Variants in ANKRD30B observed in about 807,000 individuals in gnomAD.
ANKRD30B encodes the protein ankyrin repeat domain 30B.
In ANKRD30B, 144 loss-of-function variants were observed where a neutral mutation model predicts 202.2. That is an observed-to-expected ratio of 0.71 (90% CI 0.62 to 0.82). The LOEUF is 0.82. ANKRD30B is among the 40% of genes least tolerant of loss of function. ANKRD30B has a pLI of 0.00. For missense variants in ANKRD30B, 1,487 were observed against 1,669.1 expected (o/e 0.89, Z 1.90); for synonymous variants, 508 against 561.3 (o/e 0.91, Z 1.34).
At chr18:14,779,804 A>G (rs947209030) in intron 10 of ANKRD30B, among the ~76,000 whole-genome samples, 156 bp from the exon 11 acceptor site, 4 of 152,240 alleles carry the variant, frequency 2.6e-5, no homozygotes, top group African/African-American at 4.8e-5. Context: ...TGTAGTTCTA[A>G]CCAATTGACT....
chr18:14,872,838 C>T, the ANKRD30B span, among the ~76,000 whole-genome samples: 1 of 152,038 alleles, frequency 6.6e-6, no homozygotes, highest in Non-Finnish European at 1.5e-5. Context: ...GCCAAGCGTT[C>T]GGGAATAGAA....
In ANKRD30B at chr18:14,831,458, A is replaced by G; in HGVS notation, c.2847+3A>G. On this transcript the variant is annotated splice_donor_region_variant and intron_variant, in intron 34 of 43. Transcript: ENST00000690538. ...AAGACTTTAATCTTACTACCAAGGT[A>G]AAATAGTCTCTTGTTAAATTGATTT... The G allele has an allele frequency of 6.7e-7, 1 of 1,485,754 alleles. No individual in the cohort carries two copies. The highest frequency in any genetic ancestry group is 9.1e-7 in the Non-Finnish European group (1 of 1,099,568). The allele number at this position is 1,485,754 out of a possible 1,614,324, so 92.0% of individuals were successfully genotyped here. A position where few individuals can be genotyped will look rare whatever the true frequency, so the allele number is the denominator to read the frequency against.
chr18:14,816,920 C>T (rs926033237), intron 30 of ANKRD30B: 6 of 152,108 alleles, frequency 3.9e-5, no homozygotes, highest in African/African-American at 1.4e-4. Context: ...AATGAGAACA[C>T]ATGGACACAG....
chr18:14,764,187 T>C (rs1460323587), intron 7 of ANKRD30B, 97 bp downstream of exon 7: 6 of 1,284,666 alleles, frequency 4.7e-6, no homozygotes, highest in Non-Finnish European at 5.2e-6. Context: ...GTCTTGAATA[T>C]CTAAATAAGG....
chr18:14,853,284 G>T (rs1377868158), intron 42 of ANKRD30B, among the ~76,000 whole-genome samples: 1 of 152,156 alleles, frequency 6.6e-6, no homozygotes, highest in African/African-American at 2.4e-5. Flanking sequence ...GGGTGGCAAG[G>T]TTCATGTATA....
chr18:14,765,671 T>C (rs528110794), intron 7 of ANKRD30B, among the ~76,000 whole-genome samples: 29 of 152,204 alleles, frequency 1.9e-4, no homozygotes, highest in African/African-American at 7.0e-4. Context: ...GCCCTTCACA[T>C]AGAAGATAGA....
At chr18:14,929,746 G>A in the ANKRD30B span, among the ~76,000 whole-genome samples, 2 of 152,098 alleles carry the variant, frequency 1.3e-5, no homozygotes, top group Non-Finnish European at 2.9e-5. Flanking sequence ...ACCATTTGGG[G>A]ATTGGTGGGT....
At chr18:14,905,156 A>G in the ANKRD30B span, among the ~76,000 whole-genome samples, 1 of 152,216 alleles carries the variant, frequency 6.6e-6, no homozygotes, top group African/African-American at 2.4e-5. Context: ...GTCATGAATA[A>G]TCCACCCCTT....
chr18:14,795,768 T>C (rs1440585768), intron 16 of ANKRD30B, among the ~76,000 whole-genome samples: 1 of 152,120 alleles, frequency 6.6e-6, no homozygotes, highest in Admixed American at 6.6e-5. Flanking sequence ...AAGAACATAA[T>C]AGCTACTTGC....
At chr18:14,828,773 A>T (rs1320730614) in intron 33 of ANKRD30B, among the ~76,000 whole-genome samples, 1 of 152,242 alleles carries the variant, frequency 6.6e-6, no homozygotes, top group African/African-American at 2.4e-5. Context: ...TTTAACCGTT[A>T]AAGTGGTAAC....
the ANKRD30B span, chr18:14,883,393 CTCTCTCTATATA>C: frequency 5.8e-5 from 5 of 86,532 alleles, no homozygotes; most frequent in African/African-American, 2.9e-4. Context: ...CTCTCTCTCT[CTCTCTCTATATA>C]TATATATATA....
intron 39 of ANKRD30B, 36 bp from the exon 40 acceptor site, chr18:14,848,680 C>T: frequency 7.1e-7 from 1 of 1,403,174 alleles, no homozygotes. Flanking sequence ...CCCAAAAGTA[C>T]TAATATATTT....
chr18:14,785,957 G>C (rs1464150532), intron 14 of ANKRD30B, among the ~76,000 whole-genome samples: 1 of 144,158 alleles, frequency 6.9e-6, no homozygotes, highest in African/African-American at 2.5e-5. Flanking sequence ...AGAATGGCGT[G>C]AACCCAGGAA....
intron 30 of ANKRD30B, among the ~76,000 whole-genome samples, chr18:14,819,595 C>T (rs1598671660): frequency 6.6e-6 from 1 of 152,090 alleles, no homozygotes; most frequent in South Asian, 2.1e-4. Flanking sequence ...CGCCAGTTTT[C>T]CCAGCACCAT....
chr18:14,757,794 G>A (rs766824223), intron 4 of ANKRD30B, 21 bp from the exon 5 acceptor site: 42 of 1,608,188 alleles, frequency 2.6e-5, no homozygotes, highest in Non-Finnish European at 3.3e-5. Flanking sequence ...CTCATAATAA[G>A]TTATCTCTTT....
chr18:14,894,297 C>T, the ANKRD30B span, among the ~76,000 whole-genome samples: 1 of 152,076 alleles, frequency 6.6e-6, no homozygotes, highest in Non-Finnish European at 1.5e-5. Flanking sequence ...TTAGGTGTCC[C>T]TCTAATCTTG....
intron 22 of ANKRD30B, among the ~76,000 whole-genome samples, chr18:14,799,813 T>A (rs1969199181): frequency 6.6e-6 from 1 of 152,112 alleles, no homozygotes; most frequent in Non-Finnish European, 1.5e-5. Flanking sequence ...CTAGATACAC[T>A]GTTTCAGAAG....
intron 19 of ANKRD30B, 22 bp downstream of exon 19, chr18:14,797,711 T>C (rs1969011417): frequency 1.9e-6 from 3 of 1,608,840 alleles, no homozygotes; most frequent in Admixed American, 3.3e-5. Flanking sequence ...TATGTCTCTA[T>C]CTTGAATATT....
chr18:14,769,413 A>G, intron 8 of ANKRD30B, 40 bp downstream of exon 8: 1 of 1,487,790 alleles, frequency 6.7e-7, no homozygotes, highest in Non-Finnish European at 9.1e-7. Flanking sequence ...AGGTTAACTC[A>G]GAAAACATAG....
Sources: gnomAD v4.1 joint callset for allele counts (sites outside exome capture counted in the v4.1 genomes callset) on GRCh38, gnomAD v4.1.1 for gene constraint, MANE v1.5 for transcripts, NCBI Gene and HGNC (gene_info 2026-07-23, HGNC 2026-07-21) for gene names.